The following NREP variants were observed in gnomAD, a reference collection of about 807,000 sequenced individuals.
NREP encodes neuronal regeneration related protein, also known as neuronal regeneration-related protein.
A neutral mutation model predicts 8.6 loss-of-function variants in NREP; 5 were observed. That is an observed-to-expected ratio of 0.58 (90% confidence interval 0.30 to 1.22). The LOEUF is 1.22. NREP is among the 50% of genes most tolerant of loss of function. The pLI is 0.07. For missense variants in NREP, 86 were observed against 82.5 expected, an observed-to-expected ratio of 1.04 and a Z score of -0.17; for synonymous variants, 27 against 28.0, an observed-to-expected ratio of 0.96 and a Z score of 0.11.
At chr5:111,798,329 G>A (rs373653648) in intron 2 of NREP, among the ~76,000 whole-genome samples, 11 of 151,918 alleles carry the variant, frequency 7.2e-5, no homozygotes, top group Non-Finnish European at 1.2e-4. Context: ...TCATAACTTT[G>A]TCTATAATTT....
intron 2 of NREP, among the ~76,000 whole-genome samples, chr5:111,776,922 C>G (rs989849216): frequency 2.2e-4 from 33 of 147,972 alleles, no homozygotes; most frequent in African/African-American, 8.0e-4. Context: ...GATTGGTGCA[C>G]TATATACACT....
intron 2 of NREP, among the ~76,000 whole-genome samples, chr5:111,946,075 C>CACAT (rs1491248592): frequency 1.1e-4 from 2 of 18,344 alleles, no homozygotes; most frequent in South Asian, 2.8e-3. Context: ...AGATTTTGAT[C>CACAT]ACACACACAC....
chr5:111,898,502 A>G (rs531858396), intron 2 of NREP, among the ~76,000 whole-genome samples: 1 of 152,268 alleles, frequency 6.6e-6, no homozygotes, highest in East Asian at 1.9e-4. Context: ...TGTTGCTATC[A>G]AACTATCTAA....
At chr5:111,808,312 T>A (rs772436459) in intron 2 of NREP, among the ~76,000 whole-genome samples, 2 of 152,348 alleles carry the variant, frequency 1.3e-5, no homozygotes, top group Admixed American at 1.3e-4. Context: ...GGGGTGTCTA[T>A]CTCAGGCAGA....
chr5:111,845,895 T>C (rs1309342142), intron 2 of NREP, among the ~76,000 whole-genome samples: 2 of 150,536 alleles, frequency 1.3e-5, no homozygotes, highest in Non-Finnish European at 3.0e-5. Flanking sequence ...CTCATAGGAA[T>C]AGAAGTAATT....
intron 2 of NREP, among the ~76,000 whole-genome samples, chr5:111,945,534 A>C: frequency 3.1e-3 from 1 of 320 alleles, no homozygotes; most frequent in Non-Finnish European, 0.019. Context: ...GAAAAAGAAG[A>C]AAAAATGAAA....
chr5:111,731,158 C>A, intron 3 of NREP, 112 bp from the exon 4 acceptor site: 1 of 1,102,510 alleles, frequency 9.1e-7, no homozygotes, highest in Non-Finnish European at 1.3e-6. Flanking sequence ...CCACATTATA[C>A]CCTTGAACTC....
intron 2 of NREP, among the ~76,000 whole-genome samples, chr5:111,867,439 T>G (rs1753693875): frequency 6.6e-6 from 1 of 152,110 alleles, no homozygotes. Context: ...TCCCCCTCCC[T>G]CCCTATAAGG....
intron 2 of NREP, among the ~76,000 whole-genome samples, chr5:111,952,650 G>C (rs1329051362): frequency 6.6e-6 from 1 of 152,078 alleles, no homozygotes. Context: ...TGAAATCGCA[G>C]TTTATGCCTC....
At chr5:111,786,266 C>T (rs1034432126) in intron 2 of NREP, among the ~76,000 whole-genome samples, 3 of 152,214 alleles carry the variant, frequency 2.0e-5, no homozygotes, top group Non-Finnish European at 4.4e-5. Context: ...GTGCTTGCTT[C>T]CCTTTCCTCT....
intron 2 of NREP, among the ~76,000 whole-genome samples, chr5:111,741,624 G>A (rs184299077): frequency 5.3e-5 from 8 of 152,246 alleles, no homozygotes; most frequent in Admixed American, 4.6e-4. Context: ...ATGCTGCTTG[G>A]AGAAGAAGCA....
At chr5:111,896,484 C>T (rs867213012) in intron 2 of NREP, among the ~76,000 whole-genome samples, 1 of 152,082 alleles carries the variant, frequency 6.6e-6, no homozygotes. Flanking sequence ...GTGGTCAGAG[C>T]TCTACATACA....
At chr5:111,809,807 T>C (rs902507676) in intron 2 of NREP, among the ~76,000 whole-genome samples, 1 of 152,110 alleles carries the variant, frequency 6.6e-6, no homozygotes, top group Admixed American at 6.6e-5. Context: ...CAAAGAGTTT[T>C]TTTCACTAAA....
At chr5:111,844,486 A>T (rs1753109166) in intron 2 of NREP, among the ~76,000 whole-genome samples, 1 of 151,188 alleles carries the variant, frequency 6.6e-6, no homozygotes, top group Admixed American at 6.6e-5. Flanking sequence ...TCTTTATCTC[A>T]TTTGTTCTAT....
At chr5:111,738,514 C>G (rs534337127) in intron 2 of NREP, 13 of 152,330 alleles carry the variant, frequency 8.5e-5, no homozygotes, top group African/African-American at 2.9e-4. Context: ...AGAAATAGTG[C>G]CACTTTTCAA....
intron 2 of NREP, 120 bp from the exon 3 acceptor site, chr5:111,735,627 A>T (rs1232227236): frequency 1.5e-6 from 1 of 664,640 alleles, no homozygotes; most frequent in Non-Finnish European, 2.7e-6. Context: ...ACTACCACTT[A>T]GAGCACTGGG....
intron 2 of NREP, among the ~76,000 whole-genome samples, chr5:111,971,664 T>C (rs562824326): frequency 2.0e-5 from 3 of 152,278 alleles, no homozygotes; most frequent in South Asian, 4.1e-4. Flanking sequence ...GAAAACTGGA[T>C]ACCCACACGT....
At chr5:111,969,674 C>G (rs1316078968) in intron 2 of NREP, 2 of 152,140 alleles carry the variant, frequency 1.3e-5, no homozygotes, top group African/African-American at 4.8e-5. Flanking sequence ...GGTTTTCTTT[C>G]TAGCAATGAG....
chr5:111,973,262 T>C (rs200669837), intron 2 of NREP, among the ~76,000 whole-genome samples: 2 of 18,938 alleles, frequency 1.1e-4, no homozygotes, highest in African/African-American at 2.9e-4. Flanking sequence ...TGCTACCCCC[T>C]TTTAAAAAAA....
Sources: gnomAD v4.1 joint callset for allele counts (sites outside exome capture counted in the v4.1 genomes callset) on GRCh38, gnomAD v4.1.1 for gene constraint, MANE v1.5 for transcripts, NCBI Gene and HGNC (gene_info 2026-07-23, HGNC 2026-07-21) for gene names.